The following MAGI2 variants were observed in gnomAD, a reference collection of about 807,000 sequenced individuals.
MAGI2 encodes membrane associated guanylate kinase, WW and PDZ domain containing 2, also known as membrane-associated guanylate kinase, WW and PDZ domain-containing protein 2.
Under a neutral mutation model 133.3 loss-of-function variants are expected in MAGI2, and 35 were observed. The observed-to-expected ratio is 0.26, with a 90% CI of 0.20 to 0.35. The LOEUF (loss-of-function observed/expected upper bound fraction) is 0.35, where lower values mean the gene tolerates loss of function less well. MAGI2 is among the 10% of genes least tolerant of loss of function. The probability of loss-of-function intolerance (pLI) is 1.00; values close to 1 mark genes in which losing one functional copy is unlikely to be tolerated. For missense variants in MAGI2, 1,636 were observed against 1,863.4 expected (o/e 0.88, Z 2.25); for synonymous variants, 729 against 710.6 (o/e 1.03, Z -0.41).
At chr7:78,384,881 G>A (rs1394056216) in intron 6 of MAGI2, among the ~76,000 whole-genome samples, 2 of 152,080 alleles carry the variant, frequency 1.3e-5, no homozygotes, top group African/African-American at 4.8e-5. Flanking sequence ...CACAAACCTA[G>A]GGCTGCTCAC....
chr7:78,204,155 C>T (rs1829518508), intron 10 of MAGI2, among the ~76,000 whole-genome samples: 1 of 152,184 alleles, frequency 6.6e-6, no homozygotes, highest in East Asian at 1.9e-4. Context: ...TGAATTTCCA[C>T]ACTCCATGTG....
At chr7:78,405,570 T>C (rs1797298383) in intron 6 of MAGI2, among the ~76,000 whole-genome samples, 1 of 152,088 alleles carries the variant, frequency 6.6e-6, no homozygotes. Context: ...TACGAAATAC[T>C]AGAGATACCT....
intron 21 of MAGI2, among the ~76,000 whole-genome samples, chr7:78,077,658 G>A (rs890393319): frequency 3.4e-5 from 5 of 148,336 alleles, no homozygotes; most frequent in African/African-American, 1.0e-4. Flanking sequence ...GCTAAGTAAG[G>A]AGATATTAGC....
chr7:79,379,190 C>T (rs1231485557), intron 1 of MAGI2, among the ~76,000 whole-genome samples: 2 of 150,454 alleles, frequency 1.3e-5, no homozygotes, highest in Non-Finnish European at 3.0e-5. Context: ...CAATTCCCAC[C>T]TATGAGTGAG....
chr7:78,758,860 AG>A (rs1423404349), intron 2 of MAGI2, among the ~76,000 whole-genome samples: 21 of 152,320 alleles, frequency 1.4e-4, no homozygotes, highest in African/African-American at 5.1e-4. Flanking sequence ...AGTTACACCC[AG>A]GTAGAGTGAT....
At chr7:78,660,283 TA>T (rs960042227) in intron 2 of MAGI2, among the ~76,000 whole-genome samples, 77 of 150,868 alleles carry the variant, frequency 5.1e-4, no homozygotes, top group East Asian at 1.7e-3. Context: ...ATAAAAATAA[TA>T]AAAAAAAAGA....
chr7:78,833,368 A>T (rs977521719), intron 2 of MAGI2, among the ~76,000 whole-genome samples: 3 of 152,128 alleles, frequency 2.0e-5, no homozygotes, highest in Non-Finnish European at 4.4e-5. Flanking sequence ...TTAATAATAA[A>T]TGCTGGTATA....
rs1343891559 is a variant in MAGI2 at position 78,019,552 on chromosome 7, G to C, written c.4131C>G (p.Leu1377=). Residue 1377 remains leucine, a synonymous_variant, in exon 22 of 22, where the codon CTC becomes CTG. Coordinates refer to ENST00000354212, the MANE Select transcript of MAGI2 (RefSeq NM_012301.4). ...CAGCCCCCGGGCCTTCGCGCCGGCA[G>C]AGCTCGGAGCCCGCCGCCGCACGGG... is the stretch of plus-strand genomic sequence containing the variant. ...EAPRAAAGSE[L]CRREGPGAAP... The C allele has an allele frequency of 1.0e-6, 1 of 980,182 alleles. No homozygotes were observed. Among genetic ancestry groups the C allele is most frequent in the Non-Finnish European group, 1.2e-6 (1 of 828,010 alleles). 60.7% of individuals were successfully genotyped at this position (980,182 alleles called of 1,614,324 possible).
intron 1 of MAGI2, among the ~76,000 whole-genome samples, chr7:79,044,767 T>G (rs1039207206): frequency 1.3e-5 from 2 of 152,228 alleles, no homozygotes; most frequent in Admixed American, 1.3e-4. Context: ...AGCATTTGTA[T>G]ACACCAGTAT....
chr7:78,451,300 T>C (rs912738827), intron 6 of MAGI2, among the ~76,000 whole-genome samples: 6 of 152,118 alleles, frequency 3.9e-5, no homozygotes, highest in African/African-American at 1.4e-4. Flanking sequence ...ATTTCTAATA[T>C]TGCATTAGAA....
chr7:79,255,821 T>G (rs1833641609), intron 1 of MAGI2, among the ~76,000 whole-genome samples: 1 of 151,876 alleles, frequency 6.6e-6, no homozygotes, highest in African/African-American at 2.4e-5. Flanking sequence ...TAGACAATTC[T>G]AACTGAAAAA....
At chr7:79,245,750 T>C (rs1332279363) in intron 1 of MAGI2, among the ~76,000 whole-genome samples, 1 of 152,158 alleles carries the variant, frequency 6.6e-6, no homozygotes, top group Non-Finnish European at 1.5e-5. Flanking sequence ...GGCTTCACTA[T>C]CTGCTGATTG....
At chr7:78,907,999 G>A (rs1584355221) in intron 2 of MAGI2, among the ~76,000 whole-genome samples, 1 of 152,214 alleles carries the variant, frequency 6.6e-6, no homozygotes, top group Admixed American at 6.5e-5. Context: ...CAAAACAAAT[G>A]TTCTAAAGAA....
At chr7:78,645,170 T>C (rs1195881080) in intron 2 of MAGI2, among the ~76,000 whole-genome samples, 1 of 151,916 alleles carries the variant, frequency 6.6e-6, no homozygotes, top group Non-Finnish European at 1.5e-5. Context: ...AGTTAAAAAC[T>C]ATCACTTATA....
chr7:79,301,132 G>A (rs551374195), intron 1 of MAGI2, among the ~76,000 whole-genome samples: 24 of 152,206 alleles, frequency 1.6e-4, no homozygotes, highest in Non-Finnish European at 3.2e-4. Flanking sequence ...CAAGGCAGAG[G>A]ATAAATGTGG....
intron 20 of MAGI2, among the ~76,000 whole-genome samples, chr7:78,092,791 A>C (rs746219445): frequency 8.5e-5 from 13 of 152,212 alleles, no homozygotes; most frequent in Admixed American, 2.0e-4. Context: ...TTGGATAATC[A>C]GCCATTTCAA....
intron 6 of MAGI2, among the ~76,000 whole-genome samples, chr7:78,465,074 G>A (rs1207027708): frequency 6.6e-6 from 1 of 151,806 alleles, no homozygotes; most frequent in Admixed American, 6.6e-5. Context: ...GTTAACCTGG[G>A]GAAAATACAA....
At position 78,204,805 on chromosome 7, in the gene MAGI2, TAAAAC is replaced by T. The variant is rs1305427191; in HGVS notation, c.2048-3617_2048-3613del. 1.4e-4 allele frequency among the ~76,000 whole-genome samples: 21 copies of T among 152,256 alleles called. No individual in the cohort carries two copies. The East Asian group carries it at 3.9e-3, about 28-fold the overall frequency. On this transcript the variant is annotated intron_variant, in intron 10 of 21. Coordinates refer to ENST00000354212, the MANE Select transcript of MAGI2 (RefSeq NM_012301.4). ...GTTAAATGAAATATGGATAAGAACA[TAAAAC>T]AAAAGAGAATAAATGGAAAAATTTA...
chr7:78,916,136 T>C (rs1219635800), intron 2 of MAGI2, among the ~76,000 whole-genome samples: 1 of 152,124 alleles, frequency 6.6e-6, no homozygotes, highest in Non-Finnish European at 1.5e-5. Flanking sequence ...ATCTTTTAGA[T>C]TGTCTTTTAG....
Sources: allele counts gnomAD v4.1 joint callset (sites outside exome capture counted in the v4.1 genomes callset), GRCh38; gene constraint gnomAD v4.1.1; transcripts MANE v1.5; gene names NCBI Gene and HGNC (gene_info 2026-07-23, HGNC 2026-07-21).